Variants in SCFD2 observed in about 807,000 individuals in gnomAD.
SCFD2 encodes the protein sec1 family domain-containing protein 2.
A neutral mutation model predicts 58.9 loss-of-function variants in SCFD2; 54 were observed. The observed-to-expected ratio is 0.92, with a 90% CI of 0.74 to 1.15. The LOEUF is 1.15. SCFD2 is among the 50% of genes most tolerant of loss of function. The pLI, the probability that SCFD2 is intolerant of heterozygous loss-of-function variation, is 0.00. For missense variants in SCFD2, 805 were observed against 836.6 expected, an observed-to-expected ratio of 0.96 and a Z score of 0.47; for synonymous variants, 321 against 335.9, an observed-to-expected ratio of 0.96 and a Z score of 0.49.
intron 5 of SCFD2, among the ~76,000 whole-genome samples, chr4:53,001,616 T>C (rs1721867233): frequency 6.6e-6 from 1 of 152,240 alleles, no homozygotes. Context: ...AGTAGTTTAA[T>C]CTTTTAACAG....
chr4:53,236,807 G>A (rs1729628258), intron 4 of SCFD2, among the ~76,000 whole-genome samples: 1 of 129,652 alleles, frequency 7.7e-6, no homozygotes, highest in Admixed American at 8.6e-5. Context: ...TAAAGTCACT[G>A]TTTTATTTAT....
At chr4:53,097,392 G>A (rs932807849) in intron 5 of SCFD2, among the ~76,000 whole-genome samples, 1 of 152,118 alleles carries the variant, frequency 6.6e-6, no homozygotes, top group African/African-American at 2.4e-5. Flanking sequence ...TTATTTCATT[G>A]AGCAATGGTT....
At chr4:52,947,395 C>T (rs1720459049) in intron 5 of SCFD2, among the ~76,000 whole-genome samples, 1 of 152,134 alleles carries the variant, frequency 6.6e-6, no homozygotes, top group African/African-American at 2.4e-5. Context: ...ATTGATCTAG[C>T]AATTCAGTAC....
intron 5 of SCFD2, among the ~76,000 whole-genome samples, chr4:53,117,297 A>C (rs570855509): frequency 1.8e-4 from 27 of 152,270 alleles, no homozygotes; most frequent in Middle Eastern, 6.8e-3. Context: ...CACCCTTGCA[A>C]GACTTAGCCA....
rs76170492 is a variant in SCFD2 at position 52,983,589 on chromosome 4, G to C, written c.1562-62719C>G. Among the ~76,000 whole-genome samples, 233 of 152,306 alleles carry C rather than the reference G, an allele frequency of 1.5e-3. 4 individuals are homozygous for C. In the East Asian group the frequency reaches 0.039, roughly 26 times the overall value. On this transcript the variant is annotated intron_variant, in intron 5 of 8. Transcript: ENST00000401642. Reference sequence around the variant, plus strand: ...TGAACAGCCTACATTTTCTAGACAAGTGCTATTTTTCTTTATCTACAGAAT... The same window carrying C: ...TGAACAGCCTACATTTTCTAGACAACTGCTATTTTTCTTTATCTACAGAAT...
intron 5 of SCFD2, chr4:52,945,604 C>T (rs181093158): frequency 2.0e-4 from 30 of 152,220 alleles, no homozygotes; most frequent in African/African-American, 6.7e-4. Context: ...AAGGGCAAGA[C>T]TCAAATTCAA....
At position 53,116,574 on chromosome 4, in the gene SCFD2, A is replaced by G. The variant is rs1336894112; in HGVS notation, c.1561+28759T>C. 2.0e-5 allele frequency among the ~76,000 whole-genome samples: 3 copies of G among 152,220 alleles called. No individual in the cohort carries two copies. In the East Asian group the frequency reaches 5.8e-4, roughly 29 times the overall value. On this transcript the variant is annotated intron_variant, in intron 5 of 8. Coordinates refer to ENST00000401642, the MANE Select transcript of SCFD2 (RefSeq NM_152540.4). ...TATTTGGTGAACAGCTAACAATTAC[A>G]TAAGACATAACAGGATATACTACAC...
intron 4 of SCFD2, among the ~76,000 whole-genome samples, chr4:53,241,879 A>G (rs1218089547): frequency 6.6e-6 from 1 of 152,186 alleles, no homozygotes; most frequent in African/African-American, 2.4e-5. Flanking sequence ...AGACATGGAA[A>G]ACAGTGGACA....
intron 2 of SCFD2, among the ~76,000 whole-genome samples, chr4:53,324,245 C>T (rs886996952): frequency 1.3e-5 from 2 of 151,798 alleles, no homozygotes; most frequent in African/African-American, 4.8e-5. Flanking sequence ...AGCAAGACCC[C>T]ATCTCTACAA....
intron 5 of SCFD2, among the ~76,000 whole-genome samples, chr4:52,921,463 T>C (rs1189313313): frequency 6.6e-6 from 1 of 152,110 alleles, no homozygotes; most frequent in Non-Finnish European, 1.5e-5. Context: ...TCTGTTTTGT[T>C]AGAAGCTCAT....
chr4:52,913,469 A>C (rs1719533872), intron 6 of SCFD2, among the ~76,000 whole-genome samples: 1 of 152,136 alleles, frequency 6.6e-6, no homozygotes, highest in South Asian at 2.1e-4. Context: ...ATGGCCTGTC[A>C]CTGTCTCTGT....
chr4:53,154,847 T>C (rs1318336915), intron 4 of SCFD2, among the ~76,000 whole-genome samples: 1 of 151,592 alleles, frequency 6.6e-6, no homozygotes, highest in East Asian at 1.9e-4. Context: ...GAGAGAGATG[T>C]GATGATGAAG....
chr4:53,252,490 C>T (rs1730425214), intron 4 of SCFD2, among the ~76,000 whole-genome samples: 1 of 151,000 alleles, frequency 6.6e-6, no homozygotes, highest in South Asian at 2.1e-4. Flanking sequence ...AACTATACTA[C>T]AAGGCTACAG....
intron 3 of SCFD2, among the ~76,000 whole-genome samples, chr4:53,274,450 C>T (rs1479224672): frequency 6.6e-6 from 1 of 152,172 alleles, no homozygotes; most frequent in East Asian, 1.9e-4. Flanking sequence ...TATTTCTCAT[C>T]TAAAACTTTA....
At chr4:53,160,710 A>G (rs1219774812) in intron 4 of SCFD2, among the ~76,000 whole-genome samples, 2 of 152,204 alleles carry the variant, frequency 1.3e-5, no homozygotes, top group Non-Finnish European at 2.9e-5. Flanking sequence ...GAGGCAGGAA[A>G]GGTAGAAGAA....
chr4:52,906,129 C>T (rs555788508), intron 7 of SCFD2, among the ~76,000 whole-genome samples: 2 of 152,306 alleles, frequency 1.3e-5, no homozygotes, highest in African/African-American at 4.8e-5. Flanking sequence ...TACACTGCAA[C>T]TCTCCAAGGG....
chr4:53,264,698 T>C (rs1730929209), intron 4 of SCFD2, among the ~76,000 whole-genome samples: 1 of 152,228 alleles, frequency 6.6e-6, no homozygotes, highest in African/African-American at 2.4e-5. Context: ...ACTAGAGGAC[T>C]TAGAAAGTAA....
intron 4 of SCFD2, among the ~76,000 whole-genome samples, chr4:53,238,028 A>G (rs1729719202): frequency 7.9e-6 from 1 of 127,240 alleles, no homozygotes; most frequent in African/African-American, 3.1e-5. Flanking sequence ...TCCCTCCAAG[A>G]TGGGGTGGCT....
In SCFD2 at chr4:53,042,243, G is replaced by A. The variant is rs184888678; in HGVS notation, c.1561+103090C>T. On this transcript the variant is annotated intron_variant, in intron 5 of 8. Coordinates refer to ENST00000401642, the MANE Select transcript of SCFD2 (RefSeq NM_152540.4). ...TTCCTCAATCCAAATCCGGAAATGC[G>A]TAAAATCATTTCACTGTTTTCAACC... 1.7e-3 allele frequency among the ~76,000 whole-genome samples: 255 copies of A among 152,198 alleles called. 2 individuals are homozygous for A. Among genetic ancestry groups the A allele is most frequent in the Non-Finnish European group, 1.7e-3 (118 of 68,006 alleles).
Sources: allele counts gnomAD v4.1 joint callset (sites outside exome capture counted in the v4.1 genomes callset), GRCh38; gene constraint gnomAD v4.1.1; transcripts MANE v1.5; gene names NCBI Gene and HGNC (gene_info 2026-07-23, HGNC 2026-07-21).